Variants in BEST4 observed in about 807,000 individuals in gnomAD.
BEST4 encodes the protein bestrophin 4, also known as bestrophin-4.
BEST4 carries 36 observed loss-of-function variants against 47.1 expected under a neutral mutation model. The ratio of observed to expected loss-of-function variants is 0.76; its 90% confidence interval spans 0.59 to 1.01. The LOEUF is 1.01. Ranked by LOEUF, BEST4 falls within the 50% of genes least tolerant of loss-of-function variation. The pLI is 0.00. For synonymous variants in BEST4, 250 were observed against 277.8 expected, an observed-to-expected ratio of 0.90 and a Z score of 1.00; for missense variants, 550 against 648.6, an observed-to-expected ratio of 0.85 and a Z score of 1.65.
In BEST4 at chr1:44,786,564, G is replaced by C; in HGVS notation, c.380C>G (p.Thr127Ser). ...VDQRGRLLRR[T>S]LIRYANLASV... ...CGCCAGGTTCGCGTAGCGGATGAGG[G>C]TGCGGCGCAGCAGGCGGCCCCGCTG... The change falls in exon 3 of 9, where the codon ACC becomes AGC. Residue 127 changes from threonine (T) to serine (S), a missense_variant. Thr to Ser is a moderately conservative substitution (Grantham distance 58). Around this residue, in one of 3 missense-constraint regions of BEST4, gnomAD observed 291 missense variants for 342.4 expected, o/e 0.85. Transcript: ENST00000372207. This position sits in a 1 kb window ranked among gnomAD's most constrained non-coding sequence, Gnocchi z 4.9. 1 of 1,550,378 alleles carries C rather than the reference G, an allele frequency of 6.5e-7. No homozygotes were observed. Among genetic ancestry groups the C allele is most frequent in the Non-Finnish European group, 8.7e-7 (1 of 1,147,236 alleles).
chr1:44,784,819 C>T lies in BEST4; in HGVS notation c.994-36G>A, dbSNP rs768444892. The T allele has an allele frequency of 6.2e-6, 10 of 1,600,916 alleles. No individual in the cohort carries two copies. The African/African-American group carries it at 9.4e-5, about 15-fold the overall frequency. On this transcript the variant is annotated intron_variant, in intron 7 of 8. Transcript: ENST00000372207. The surrounding 1 kb of genome is among the most constrained non-coding windows in gnomAD (Gnocchi z 6.2). The stretch of plus-strand genomic sequence containing the variant: ...AGCAAGTTACAAGGATCCTCCTCTC[C>T]TCTCCTTCCCACGGCCGGGCTGAGA...
chr1:44,784,853 G>GGA lies in BEST4; in HGVS notation c.993+50_993+51dup. 1 of 1,611,610 alleles carries GGA rather than the reference G, an allele frequency of 6.2e-7. No homozygotes were observed. On this transcript the variant is annotated intron_variant, in intron 7 of 8. Transcript: ENST00000372207. The surrounding 1 kb of genome is among the most constrained non-coding windows in gnomAD (Gnocchi z 6.2). ...CCACGGCCGGGCTGAGAGCTGACCGGGAGAGGGGGCCCAGGAGCTGCCCTG... is the reference window on the plus strand; with the variant it reads ...CCACGGCCGGGCTGAGAGCTGACCGGGAGAGAGGGGGCCCAGGAGCTGCCCTG...
rs1403929206 is a variant in BEST4, at chr1:44,786,714, TAGAG to T, written c.248-22_248-19del. The T allele has an allele frequency of 9.8e-6, 15 of 1,535,840 alleles. No individual in the cohort carries two copies. Among genetic ancestry groups the T allele is most frequent in the Non-Finnish European group, 1.2e-5 (14 of 1,134,854 alleles). ...ATAGAAACCTGCTTGGCCGCCGTGA[TAGAG>T]GGAGTAGGAAGGGAGAGTGGAGAGC... On this transcript the variant is annotated intron_variant, in intron 2 of 8. Transcript: ENST00000372207. This position sits in a 1 kb window ranked among gnomAD's most constrained non-coding sequence, Gnocchi z 4.9.
At chr1:44,788,800 C>G (rs1651330229), upstream of BEST4, among the ~76,000 whole-genome samples, 1 of 152,190 alleles carries the variant, frequency 6.6e-6, no homozygotes, top group Non-Finnish European at 1.5e-5. Context: ...TCTTCTCCAT[C>G]CATGCCACGG....
rs765495466 is a variant in BEST4 at position 44,787,638 on chromosome 1, C to T, written c.68G>A (p.Arg23His). The T allele has an allele frequency of 9.9e-6, 16 of 1,614,146 alleles. No individual in the cohort carries two copies. Among genetic ancestry groups the T allele is most frequent in the Non-Finnish European group, 1.3e-5 (15 of 1,179,986 alleles). Residue 23 changes from arginine to histidine, a missense_variant, in exon 1 of 9, where the codon CGC becomes CAC. Physicochemically the swap from Arg to His is conservative, Grantham distance 29. Around this residue, in one of 3 missense-constraint regions of BEST4, gnomAD observed 291 missense variants for 342.4 expected, o/e 0.85. Coordinates refer to ENST00000372207, the MANE Select transcript of BEST4 (RefSeq NM_153274.3). ...RFGGFSGLLL[R>H]WRGSIYKLLY... ...GAGCTTGTAGATGCTTCCCCTCCAGCGGAGAAGCAGGCCAGAGAAACCTCC... is the reference window on the plus strand; with the variant it reads ...GAGCTTGTAGATGCTTCCCCTCCAGTGGAGAAGCAGGCCAGAGAAACCTCC...
At chr1:44,791,366 T>C (rs1651407558), upstream of BEST4, among the ~76,000 whole-genome samples, 1 of 152,046 alleles carries the variant, frequency 6.6e-6, no homozygotes, top group Non-Finnish European at 1.5e-5. Context: ...TCCTAGAGCA[T>C]CTGGGCTGCT....
chr1:44,784,278 C>T lies in BEST4; in HGVS notation c.1354G>A (p.Asp452Asn). ...LLRFRAEEGG[D>N]PEAAARIEEE... The stretch of plus-strand genomic sequence containing the variant: ...TCGATGCGGGCTGCGGCCTCGGGGT[C>T]GCCGCCCTCCTCCGCCCGGAAGCGC... Residue 452 changes from aspartate to asparagine, a missense_variant, in exon 9 of 9, where the codon GAC becomes AAC. Transcript: ENST00000372207. The surrounding 1 kb of genome is among the most constrained non-coding windows in gnomAD (Gnocchi z 6.2). The T allele has an allele frequency of 1.4e-6, 2 of 1,427,896 alleles. No individual in the cohort carries two copies. The highest frequency in any genetic ancestry group is 1.5e-5 in the African/African-American group (1 of 66,504). The allele number at this position is 1,427,896 out of a possible 1,614,324, so 88.5% of individuals were successfully genotyped here. A position where few individuals can be genotyped will look rare whatever the true frequency, so the allele number is the denominator to read the frequency against.
In BEST4 at chr1:44,787,757, G is replaced by A. The variant is rs368279908; in HGVS notation, c.-52C>T. ...CACAAGAGTTGCCCCCAGGGCTGTC[G>A]TTTAGTTCTCCAGACAACCTCCCTT... On this transcript the variant is annotated 5_prime_UTR_variant, in exon 1 of 9. In the 5' UTR this introduces an upstream ATG that the reference lacks. Transcript: ENST00000372207. 35 of 1,604,522 alleles carry A rather than the reference G, an allele frequency of 2.2e-5. No homozygotes were observed. The highest frequency in any genetic ancestry group is 5.4e-5 in the African/African-American group (4 of 74,638).
At chr1:44,787,146 T>C (rs1262071386) in intron 2 of BEST4, among the ~76,000 whole-genome samples, 1 of 143,506 alleles carries the variant, frequency 7.0e-6, no homozygotes, top group Non-Finnish European at 1.5e-5. Flanking sequence ...AGTAATTCTT[T>C]TTTTTTTTTT....
At chr1:44,785,939 G>C in intron 4 of BEST4, 135 bp downstream of exon 4, 3 of 1,147,932 alleles carry the variant, frequency 2.6e-6, no homozygotes, top group Non-Finnish European at 3.7e-6. Flanking sequence ...GGATGAATGA[G>C]TTAACATGGG....
Position 44,786,233 on chromosome 1 carries a change from G to A in BEST4, c.482-5C>T, listed in dbSNP as rs368354581. On this transcript the variant is annotated splice_polypyrimidine_tract_variant and splice_region_variant and intron_variant, in intron 3 of 8. Transcript: ENST00000372207. The surrounding 1 kb of genome is among the most constrained non-coding windows in gnomAD (Gnocchi z 4.9). ...TCTCTTCCTGGGACATGAAACCTGA[G>A]GGGGTAAAGCAGGTGGGGTGCAGTT... 251 of 1,611,114 alleles carry A rather than the reference G, an allele frequency of 1.6e-4. 1 individual carries two copies. The African/African-American group carries it at 3.0e-3, about 19-fold the overall frequency.
Position 44,784,438 on chromosome 1 carries a change from G to C in BEST4, c.1194C>G (p.Pro398=). The C allele has an allele frequency of 1.4e-6, 2 of 1,440,356 alleles. No individual in the cohort carries two copies. The highest frequency in any genetic ancestry group is 2.8e-5 in the East Asian group (1 of 35,984). 89.2% of individuals were successfully genotyped at this position (1,440,356 alleles called of 1,614,324 possible). The part of the protein sequence containing the change: ...PEQSLQVEAS[P]GSGRPAPAAQ... ...CGGCGGGCGCGGGCCGACCAGATCC[G>C]GGGGACGCCTCCACCTGCAGGCTCT... Residue 398 remains proline, a synonymous_variant, in exon 9 of 9, where the codon CCC becomes CCG. Coordinates refer to ENST00000372207, the MANE Select transcript of BEST4 (RefSeq NM_153274.3). The surrounding 1 kb of genome is among the most constrained non-coding windows in gnomAD (Gnocchi z 6.2).
At chr1:44,785,706 C>T in intron 4 of BEST4, 30 bp from the exon 5 acceptor site, 1 of 1,541,302 alleles carries the variant, frequency 6.5e-7, no homozygotes, top group East Asian at 2.4e-5. Context: ...AGGAAGTCAG[C>T]AGAGGTGAGG....
At chr1:44,790,432 C>A (rs1388926705), upstream of BEST4, among the ~76,000 whole-genome samples, 1 of 152,098 alleles carries the variant, frequency 6.6e-6, no homozygotes, top group Admixed American at 6.6e-5. Flanking sequence ...TCATTTGTAA[C>A]TGTTCCTTCA....
Position 44,786,205 on chromosome 1 carries a change from T to C in BEST4, c.505A>G (p.Lys169Glu). ...DAGFMSQEER[K>E]KFESLKSDFN... is the part of the protein sequence containing the mutation. ...TCGGATTTCAGGCTCTCAAACTTTT[T>C]CCTCTCTTCCTGGGACATGAAACCT... Residue 169 changes from lysine (K) to glutamate (E), a missense_variant, in exon 4 of 9, where the codon AAA becomes GAA. This residue lies in a region of BEST4 where 291 missense variants were observed against 342.4 expected (regional missense o/e 0.85). Transcript: ENST00000372207. This position sits in a 1 kb window ranked among gnomAD's most constrained non-coding sequence, Gnocchi z 4.9. 8 of 1,613,744 alleles carry C rather than the reference T, an allele frequency of 5.0e-6. No individual in the cohort carries two copies. The highest frequency in any genetic ancestry group is 6.8e-6 in the Non-Finnish European group (8 of 1,179,826).
Position 44,784,806 on chromosome 1 carries a change from G to A in BEST4, c.994-23C>T, listed in dbSNP as rs1378738003. The A allele has an allele frequency of 6.3e-7, 1 of 1,595,346 alleles. No individual in the cohort carries two copies. The highest frequency in any genetic ancestry group is 8.5e-7 in the Non-Finnish European group (1 of 1,169,950). ...CACCTGGGCCACCAGCAAGTTACAA[G>A]GATCCTCCTCTCCTCTCCTTCCCAC... is the stretch of plus-strand genomic sequence containing the variant. On this transcript the variant is annotated intron_variant, in intron 7 of 8. Coordinates refer to ENST00000372207, the MANE Select transcript of BEST4 (RefSeq NM_153274.3). The surrounding 1 kb of genome is among the most constrained non-coding windows in gnomAD (Gnocchi z 6.2).
chr1:44,788,993 C>G (rs989927660), upstream of BEST4, among the ~76,000 whole-genome samples: 2 of 152,144 alleles, frequency 1.3e-5, no homozygotes, highest in African/African-American at 4.8e-5. Context: ...TGGCTCACAC[C>G]TGTAATCCTA....
At chr1:44,789,704 A>G (rs565586493), upstream of BEST4, among the ~76,000 whole-genome samples, 19 of 152,322 alleles carry the variant, frequency 1.2e-4, no homozygotes, top group Non-Finnish European at 2.5e-4. Context: ...GTCTCAAAAA[A>G]GAAAAAGAAA....
At chr1:44,790,193 C>G (rs541123697), upstream of BEST4, among the ~76,000 whole-genome samples, 94 of 152,240 alleles carry the variant, frequency 6.2e-4, 1 homozygote, top group African/African-American at 2.2e-3. Context: ...GCCTACCAAG[C>G]CTTCCAAGCC....
Sources: gnomAD v4.1 joint callset for allele counts (sites outside exome capture counted in the v4.1 genomes callset) on GRCh38, gnomAD v4.1.1 for gene constraint, gnomAD v4.1.1 regional missense constraint, Gnocchi (gnomAD v3.1) non-coding constraint, MANE v1.5 for transcripts, NCBI Gene and HGNC (gene_info 2026-07-23, HGNC 2026-07-21) for gene names.